Variants in PPFIBP1 observed in about 807,000 individuals in gnomAD.
The protein encoded by PPFIBP1 is liprin-beta-1.
Under a neutral mutation model 137.8 loss-of-function variants are expected in PPFIBP1, and 112 were observed. The ratio of observed to expected loss-of-function variants is 0.81; its 90% CI spans 0.70 to 0.95. The LOEUF (loss-of-function observed/expected upper bound fraction) is 0.95, where lower values mean the gene tolerates loss of function less well. Among genes scored for constraint, PPFIBP1 ranks in the 40% least tolerant of loss-of-function variants. The probability of loss-of-function intolerance (pLI) is 0.00; values close to 1 mark genes in which losing one functional copy is unlikely to be tolerated. For synonymous variants in PPFIBP1, 378 were observed against 417.3 expected (o/e 0.91, Z 1.15); for missense variants, 1,083 against 1,196.6 (o/e 0.91, Z 1.40).
intron 2 of PPFIBP1, chr12:27,593,647 T>G (rs1394235388): frequency 9.8e-6 from 5 of 512,460 alleles, no homozygotes; most frequent in Non-Finnish European, 1.8e-5. Flanking sequence ...ACAAGATTAT[T>G]CAGTTTGCTG....
intron 2 of PPFIBP1, among the ~76,000 whole-genome samples, chr12:27,617,846 T>C (rs906476450): frequency 6.6e-6 from 1 of 152,204 alleles, no homozygotes; most frequent in African/African-American, 2.4e-5. Flanking sequence ...GCACTAGTCC[T>C]ATGAGACATA....
Position 27,618,613 on chromosome 12 carries a change from C to T in PPFIBP1, c.-35-14749C>T, listed in dbSNP as rs574237983. Among the ~76,000 whole-genome samples, 9 of 152,330 alleles carry T rather than the reference C, an allele frequency of 5.9e-5. No homozygotes were observed. In the South Asian group the frequency reaches 1.9e-3, roughly 32 times the overall value. ...CTGGAACTAACCAACCTCCCTCCCC[C>T]AAATTGTGCTCCCTTTCTGGACTGA... On this transcript the variant is annotated intron_variant, in intron 2 of 29. Transcript: ENST00000228425.
intron 2 of PPFIBP1, chr12:27,593,411 C>A: frequency 2.2e-6 from 1 of 455,688 alleles, no homozygotes; most frequent in Non-Finnish European, 4.4e-6. Context: ...TCAGCCAGCT[C>A]ATGTTCCTTA....
intron 1 of PPFIBP1, among the ~76,000 whole-genome samples, chr12:27,563,184 T>C (rs1467059038): frequency 6.9e-6 from 1 of 144,910 alleles, no homozygotes; most frequent in Non-Finnish European, 1.5e-5. Flanking sequence ...GCTCACACCT[T>C]TAATCCCAGC....
At chr12:27,661,741 T>G (rs978847480) in intron 11 of PPFIBP1, among the ~76,000 whole-genome samples, 2 of 152,232 alleles carry the variant, frequency 1.3e-5, no homozygotes, top group African/African-American at 4.8e-5. Context: ...GAACTTTAGC[T>G]TGATCTTTTT....
intron 15 of PPFIBP1, among the ~76,000 whole-genome samples, chr12:27,672,768 T>A (rs1418544809): frequency 1.3e-5 from 2 of 152,234 alleles, no homozygotes; most frequent in Non-Finnish European, 2.9e-5. Flanking sequence ...TGAAGTTCAA[T>A]GCTTTTAATT....
chr12:27,615,313 A>G (rs541090215), intron 2 of PPFIBP1, among the ~76,000 whole-genome samples: 1 of 152,324 alleles, frequency 6.6e-6, no homozygotes, highest in South Asian at 2.1e-4. Context: ...TTTGTTGTAT[A>G]ATAGTAGAAG....
intron 2 of PPFIBP1, among the ~76,000 whole-genome samples, chr12:27,602,631 A>G (rs1328390352): frequency 1.3e-5 from 2 of 152,194 alleles, no homozygotes; most frequent in African/African-American, 4.8e-5. Flanking sequence ...ACACTGAAAA[A>G]TCATTTGCAG....
rs1201466479 is a variant in PPFIBP1, at chr12:27,554,778, C to T, written c.-123-23374C>T. ...GAGATCCTACATCTGGAGTCTTGTGCTTGACTCCATACACTTTAAGAGGAA... is the reference window on the plus strand; with the variant it reads ...GAGATCCTACATCTGGAGTCTTGTGTTTGACTCCATACACTTTAAGAGGAA... On this transcript the variant is annotated intron_variant, in intron 1 of 29. Transcript: ENST00000228425. Among the ~76,000 whole-genome samples, 3 of 152,010 alleles carry T rather than the reference C, an allele frequency of 2.0e-5. No homozygotes were observed. In the South Asian group the frequency reaches 6.2e-4, roughly 31 times the overall value.
At chr12:27,621,099 G>A (rs1029310235) in intron 2 of PPFIBP1, among the ~76,000 whole-genome samples, 7 of 152,246 alleles carry the variant, frequency 4.6e-5, no homozygotes, top group Non-Finnish European at 8.8e-5. Context: ...TCAGGAGGCT[G>A]TAGGATAAGG....
intron 2 of PPFIBP1, among the ~76,000 whole-genome samples, chr12:27,595,336 A>C (rs1234853564): frequency 6.6e-6 from 1 of 152,214 alleles, no homozygotes; most frequent in East Asian, 1.9e-4. Context: ...GTGGCTGCCC[A>C]CATGGAAGAA....
chr12:27,570,351 C>G (rs1165814466), intron 1 of PPFIBP1, among the ~76,000 whole-genome samples: 1 of 152,126 alleles, frequency 6.6e-6, no homozygotes, highest in Non-Finnish European at 1.5e-5. Context: ...AAACTTGAGG[C>G]TTAGCTAGGC....
In PPFIBP1 at chr12:27,679,547, A is replaced by C; in HGVS notation, c.1674A>C (p.Pro558=). 1 of 1,614,000 alleles carries C rather than the reference A, an allele frequency of 6.2e-7. No individual in the cohort carries two copies. The highest frequency in any genetic ancestry group is 8.5e-7 in the Non-Finnish European group (1 of 1,179,840). ...HLDLAGASSR[P]KDSQRNSPFQ... Reference sequence around the variant, plus strand: ...ATCTGGCTGGTGCTTCTTCTCGGCCAAAAGATTCACAGAGGAACAGTCCCT... The same window carrying C: ...ATCTGGCTGGTGCTTCTTCTCGGCCCAAAGATTCACAGAGGAACAGTCCCT... Residue 558 remains proline (P), a synonymous_variant, in exon 20 of 30, where the codon CCA becomes CCC. Transcript: ENST00000228425.
chr12:27,674,861 G>A (rs1340404356), intron 17 of PPFIBP1, among the ~76,000 whole-genome samples: 3 of 138,508 alleles, frequency 2.2e-5, no homozygotes, highest in African/African-American at 8.2e-5. Context: ...CGTCCAGGCT[G>A]GAGTGCAGTG....
At chr12:27,665,909 C>T (rs1043478773) in intron 12 of PPFIBP1, among the ~76,000 whole-genome samples, 1 of 152,188 alleles carries the variant, frequency 6.6e-6, no homozygotes, top group African/African-American at 2.4e-5. Flanking sequence ...CATCACTCAG[C>T]ATTTTCCATG....
At chr12:27,665,178 A>G (rs2140044523) in intron 12 of PPFIBP1, among the ~76,000 whole-genome samples, 1 of 152,180 alleles carries the variant, frequency 6.6e-6, no homozygotes, top group East Asian at 1.9e-4. Context: ...GCAGAGTGAG[A>G]CTCAGTCTCA....
chr12:27,607,872 G>A (rs1233456879), intron 2 of PPFIBP1, among the ~76,000 whole-genome samples: 1 of 152,046 alleles, frequency 6.6e-6, no homozygotes, highest in African/African-American at 2.4e-5. Context: ...CTGGGGGTGG[G>A]GACAGGAATG....
rs2061718157 is a variant in PPFIBP1, at chr12:27,695,480, T to G, written c.*2598T>G. ...GATAATAGGTAATAAGGTTAAATTT[T>G]TTTATGACGTATTTTATTTACAAAT... On this transcript the variant is annotated 3_prime_UTR_variant, in exon 30 of 30. Coordinates refer to ENST00000228425, the MANE Select transcript of PPFIBP1 (RefSeq NM_003622.4). 1 of 152,238 alleles carries G rather than the reference T, an allele frequency of 6.6e-6. No individual in the cohort carries two copies. The highest frequency in any genetic ancestry group is 6.5e-5 in the Admixed American group (1 of 15,290). 9.4% of individuals were successfully genotyped at this position (152,238 alleles called of 1,614,324 possible). A position where few individuals can be genotyped will look rare whatever the true frequency, so the allele number is the denominator to read the frequency against.
Position 27,676,904 on chromosome 12 carries a change from G to T in PPFIBP1, c.1583-160G>T, listed in dbSNP as rs368509256. The T allele has an allele frequency of 2.9e-5, 26 of 884,920 alleles. No individual in the cohort carries two copies. In the African/African-American group the frequency reaches 4.1e-4, roughly 14 times the overall value. The allele number at this position is 884,920 out of a possible 1,614,324, so 54.8% of individuals were successfully genotyped here. A position where few individuals can be genotyped will look rare whatever the true frequency, so the allele number is the denominator to read the frequency against. On this transcript the variant is annotated intron_variant, in intron 18 of 29. Transcript: ENST00000228425. ...TGATAGTGGATAAATTAACATTGAC[G>T]TTGAGCCTGTGTGTAACATCAGAAG...
Sources: allele counts gnomAD v4.1 joint callset (sites outside exome capture counted in the v4.1 genomes callset), GRCh38; gene constraint gnomAD v4.1.1; transcripts MANE v1.5; gene names NCBI Gene and HGNC (gene_info 2026-07-23, HGNC 2026-07-21).